Variants in ADAMTSL1 observed in about 807,000 individuals in gnomAD.
The protein encoded by ADAMTSL1 is ADAMTS-like protein 1.
In ADAMTSL1, 126 loss-of-function variants were observed where a neutral mutation model predicts 201.8. The observed-to-expected ratio is 0.62, with a 90% CI of 0.54 to 0.72. The LOEUF is 0.72. Among genes scored for constraint, ADAMTSL1 ranks in the 30% least tolerant of loss-of-function variants. The pLI is 0.00. For synonymous variants in ADAMTSL1, 1,121 were observed against 903.4 expected (o/e 1.24, Z -4.32); for missense variants, 2,679 against 2,277.8 (o/e 1.18, Z -3.59).
At chr9:18,232,282 A>G (rs1301203321) in intron 2 of ADAMTSL1, among the ~76,000 whole-genome samples, 1 of 152,108 alleles carries the variant, frequency 6.6e-6, no homozygotes, top group African/African-American at 2.4e-5. Flanking sequence ...CTAGATATCT[A>G]CAAAGTTGTC....
chr9:18,721,995 C>G (rs1833416595), intron 15 of ADAMTSL1, among the ~76,000 whole-genome samples: 1 of 152,126 alleles, frequency 6.6e-6, no homozygotes, highest in African/African-American at 2.4e-5. Context: ...CACCTTTTAG[C>G]CTGTGTCCTA....
At chr9:18,315,496 G>A (rs2132821102) in intron 2 of ADAMTSL1, among the ~76,000 whole-genome samples, 1 of 152,244 alleles carries the variant, frequency 6.6e-6, no homozygotes, top group African/African-American at 2.4e-5. Flanking sequence ...CTGTGGGGAG[G>A]CAGCTGAGGC....
chr9:18,438,181 G>A (rs1275862273), intron 2 of ADAMTSL1, among the ~76,000 whole-genome samples: 3 of 151,430 alleles, frequency 2.0e-5, no homozygotes, highest in Non-Finnish European at 4.4e-5. Context: ...TTTACTGCAC[G>A]TTTCTAGTCT....
intron 19 of ADAMTSL1, among the ~76,000 whole-genome samples, chr9:18,789,842 G>A: frequency 6.6e-6 from 1 of 152,198 alleles, no homozygotes; most frequent in East Asian, 1.9e-4. Flanking sequence ...GTATTGGGAT[G>A]TGGGGCAGAT....
intron 1 of ADAMTSL1, among the ~76,000 whole-genome samples, chr9:17,934,538 C>T (rs1262620712): frequency 3.3e-5 from 5 of 152,152 alleles, no homozygotes; most frequent in Non-Finnish European, 7.4e-5. Context: ...CCACTGTCCT[C>T]AAGTGGGTTT....
At chr9:18,537,158 C>T (rs766496730) in intron 3 of ADAMTSL1, among the ~76,000 whole-genome samples, 1 of 152,192 alleles carries the variant, frequency 6.6e-6, no homozygotes, top group Non-Finnish European at 1.5e-5. Context: ...AACCAAGACC[C>T]AATTCTCCTG....
intron 9 of ADAMTSL1, among the ~76,000 whole-genome samples, chr9:18,674,380 A>G (rs1474016796): frequency 1.3e-5 from 2 of 152,064 alleles, no homozygotes; most frequent in South Asian, 2.1e-4. Flanking sequence ...TTTGTTTCCT[A>G]TTTTTTAAAT....
intron 1 of ADAMTSL1, among the ~76,000 whole-genome samples, chr9:18,063,003 C>T (rs1822529748): frequency 6.6e-6 from 1 of 152,110 alleles, no homozygotes; most frequent in South Asian, 2.1e-4. Flanking sequence ...AAGTAATACA[C>T]AGTATTCCTA....
Position 18,826,366 on chromosome 9 carries a change from G to A in ADAMTSL1, c.4017G>A (p.Leu1339=), listed in dbSNP as rs1824562384. ...SPHHLHEGSL[L]LTNVSSSDQG... ...ACCATCTGCACGAAGGCTCCTTGCT[G>A]CTCACAAACGTGTCCTCCTCGGATC... Residue 1339 remains leucine (L), a synonymous_variant, in exon 22 of 29, where the codon CTG becomes CTA. Transcript: ENST00000380548. 1 of 1,613,592 alleles carries A rather than the reference G, an allele frequency of 6.2e-7. No individual in the cohort carries two copies. Among genetic ancestry groups the A allele is most frequent in the Non-Finnish European group, 8.5e-7 (1 of 1,179,802 alleles).
intron 7 of ADAMTSL1, among the ~76,000 whole-genome samples, chr9:18,654,774 C>A (rs1828517946): frequency 2.6e-5 from 4 of 152,218 alleles, no homozygotes; most frequent in Non-Finnish European, 5.9e-5. Flanking sequence ...CACATTTAAT[C>A]AACAGATTTA....
At chr9:18,891,554 T>G (rs1050749538) in intron 25 of ADAMTSL1, among the ~76,000 whole-genome samples, 1 of 152,206 alleles carries the variant, frequency 6.6e-6, no homozygotes, top group Non-Finnish European at 1.5e-5. Context: ...GTGAGAAAAG[T>G]CCATCGGTCA....
intron 1 of ADAMTSL1, among the ~76,000 whole-genome samples, chr9:18,086,562 G>A (rs924228893): frequency 2.6e-5 from 4 of 152,012 alleles, no homozygotes; most frequent in Non-Finnish European, 5.9e-5. Flanking sequence ...CTGGTTTATT[G>A]CTGTAAAAAT....
chr9:18,199,284 C>T (rs1365161032), intron 2 of ADAMTSL1, among the ~76,000 whole-genome samples: 11 of 151,838 alleles, frequency 7.2e-5, no homozygotes, highest in Admixed American at 5.3e-4. Flanking sequence ...AAAAAAAGTA[C>T]GGCTTCTCTG....
intron 21 of ADAMTSL1, among the ~76,000 whole-genome samples, chr9:18,823,006 A>G (rs531114096): frequency 2.4e-4 from 37 of 152,284 alleles, no homozygotes; most frequent in Admixed American, 9.8e-4. Flanking sequence ...ATTGTTTTCT[A>G]TTTCCTCATT....
chr9:18,616,767 T>C (rs868820741), intron 4 of ADAMTSL1, among the ~76,000 whole-genome samples: 1 of 152,216 alleles, frequency 6.6e-6, no homozygotes, highest in African/African-American at 2.4e-5. Flanking sequence ...CTTTGCCTTT[T>C]TGCTCCATTC....
At chr9:18,690,084 T>C (rs1274968622) in intron 13 of ADAMTSL1, among the ~76,000 whole-genome samples, 1 of 152,188 alleles carries the variant, frequency 6.6e-6, no homozygotes, top group Non-Finnish European at 1.5e-5. Flanking sequence ...CAATGGGGTT[T>C]ATTCAATAAG....
intron 2 of ADAMTSL1, among the ~76,000 whole-genome samples, chr9:18,241,140 T>C (rs1465331587): frequency 1.3e-5 from 2 of 152,206 alleles, no homozygotes; most frequent in East Asian, 3.9e-4. Context: ...GACTAACTAC[T>C]GAGTACAAGA....
At chr9:17,931,468 G>C (rs891863183) in intron 1 of ADAMTSL1, among the ~76,000 whole-genome samples, 11 of 152,162 alleles carry the variant, frequency 7.2e-5, no homozygotes, top group African/African-American at 2.7e-4. Flanking sequence ...GTTGGGAGGA[G>C]ACGGCATTTA....
intron 13 of ADAMTSL1, among the ~76,000 whole-genome samples, chr9:18,696,893 T>TATTATTATTATTATTATC (rs1391222008): frequency 3.3e-5 from 5 of 149,954 alleles, no homozygotes; most frequent in African/African-American, 4.9e-5. Context: ...TTATTATTAT[T>TATTATTATTATTATTATC]ATTTTGAGAT....
Sources: gnomAD v4.1 joint callset for allele counts (sites outside exome capture counted in the v4.1 genomes callset) on GRCh38, gnomAD v4.1.1 for gene constraint, MANE v1.5 for transcripts, NCBI Gene and HGNC (gene_info 2026-07-23, HGNC 2026-07-21) for gene names.